MLXIP: variants seen among roughly 807,000 people sequenced by gnomAD.
The protein encoded by MLXIP is MLX-interacting protein.
In MLXIP, 30 loss-of-function variants were observed where a neutral mutation model predicts 87.2. The ratio of observed to expected loss-of-function variants is 0.34; its 90% confidence interval spans 0.26 to 0.47. The LOEUF (loss-of-function observed/expected upper bound fraction) is 0.47. Among genes scored for constraint, MLXIP ranks in the 20% least tolerant of loss-of-function variants. MLXIP has a pLI of 1.00. For synonymous variants in MLXIP, 530 were observed against 514.0 expected (o/e 1.03, Z -0.42); for missense variants, 1,002 against 1,240.1 (o/e 0.81, Z 2.88).
chr12:122,134,200 GT>G, intron 9 of MLXIP: 1 of 605,458 alleles, frequency 1.7e-6, no homozygotes, highest in Non-Finnish European at 2.5e-6. Flanking sequence ...TTGTTTTTTT[GT>G]TTGGTTTTTT....
At chr12:122,088,011 C>A (rs1336251546) in intron 1 of MLXIP, among the ~76,000 whole-genome samples, 3 of 152,212 alleles carry the variant, frequency 2.0e-5, no homozygotes, top group Admixed American at 6.5e-5. Context: ...GTATGTCACG[C>A]TGAGGACACC....
intron 7 of MLXIP, 60 bp downstream of exon 7, chr12:122,130,993 C>G (rs1164724268): frequency 3.6e-6 from 4 of 1,111,218 alleles, no homozygotes; most frequent in Non-Finnish European, 4.1e-6. Context: ...CAGCACAGAG[C>G]AGATCGCTGC....
chr12:122,125,920 A>C (rs754418029), intron 1 of MLXIP, among the ~76,000 whole-genome samples: 30 of 152,208 alleles, frequency 2.0e-4, no homozygotes, highest in Non-Finnish European at 3.8e-4. Context: ...TTCCAGGTTC[A>C]CAGAATGTTT....
At position 122,142,937 on chromosome 12, in the gene MLXIP, T is replaced by G. The variant is rs1047880808; in HGVS notation, c.*1125T>G. 6.5e-6 allele frequency: 1 copy of G among 153,450 alleles called. No homozygotes were observed. The highest frequency in any genetic ancestry group is 2.4e-5 in the African/African-American group (1 of 41,466). 9.5% of individuals were successfully genotyped at this position (153,450 alleles called of 1,614,324 possible). A position where few individuals can be genotyped will look rare whatever the true frequency, so the allele number is the denominator to read the frequency against. On this transcript the variant is annotated 3_prime_UTR_variant, in exon 17 of 17. Coordinates refer to ENST00000319080, the MANE Select transcript of MLXIP (RefSeq NM_014938.6). Reference sequence around the variant, plus strand: ...AGACAGCAAAGAATCTACCCAGATCTGGGCTGGGTGGAGGTGTGGCTGGGC... The same window carrying G: ...AGACAGCAAAGAATCTACCCAGATCGGGGCTGGGTGGAGGTGTGGCTGGGC...
At chr12:122,107,966 A>G (rs1166469477) in intron 1 of MLXIP, among the ~76,000 whole-genome samples, 1 of 152,066 alleles carries the variant, frequency 6.6e-6, no homozygotes, top group Non-Finnish European at 1.5e-5. Flanking sequence ...GGTGGTAATA[A>G]AAGTATCTTT....
intron 1 of MLXIP, among the ~76,000 whole-genome samples, chr12:122,108,067 A>G (rs1327443999): frequency 6.6e-6 from 1 of 152,114 alleles, no homozygotes; most frequent in Non-Finnish European, 1.5e-5. Flanking sequence ...ATGAATTTTT[A>G]TGACATTAAG....
chr12:122,095,298 G>GT (rs1491145134), intron 1 of MLXIP, among the ~76,000 whole-genome samples: 34 of 138,534 alleles, frequency 2.5e-4, no homozygotes, highest in African/African-American at 1.1e-3. Flanking sequence ...TTGTGTGTGT[G>GT]GGGGGGTGTG....
At chr12:122,134,112 C>T (rs749679765) in intron 9 of MLXIP, 125 bp downstream of exon 9, 171 of 1,129,840 alleles carry the variant, frequency 1.5e-4, no homozygotes, top group Non-Finnish European at 2.0e-4. Flanking sequence ...TGCGCACACA[C>T]ATACACTTAA....
intron 1 of MLXIP, among the ~76,000 whole-genome samples, chr12:122,084,286 T>TGCTGTTA (rs1196946623): frequency 3.6e-4 from 54 of 152,018 alleles, no homozygotes; most frequent in African/African-American, 1.2e-3. Flanking sequence ...GATTACCAAT[T>TGCTGTTA]ACATTACCCA....
At chr12:122,128,135 GC>G (rs1236178063) in intron 3 of MLXIP, 167 bp downstream of exon 3, 4 of 607,610 alleles carry the variant, frequency 6.6e-6, no homozygotes, top group Non-Finnish European at 1.2e-5. Context: ...GTGGCCTCTG[GC>G]AACCCCAGGC....
rs1178670820 is a variant in MLXIP at position 122,143,785 on chromosome 12, T to G, written c.*1973T>G. The G allele has an allele frequency of 1.3e-5, 2 of 152,188 alleles. No homozygotes were observed. Among genetic ancestry groups the G allele is most frequent in the Admixed American group, 1.3e-4 (2 of 15,276 alleles). 9.4% of individuals were successfully genotyped at this position (152,188 alleles called of 1,614,324 possible). ...GGGGAGTCATTTTTAAAAAAATCTG[T>G]GGGATATAAAATTGGCCTCCTGCTG... On this transcript the variant is annotated 3_prime_UTR_variant, in exon 17 of 17. Transcript: ENST00000319080.
chr12:122,140,952 A>G lies in MLXIP; in HGVS notation c.2509-2A>G. 1 of 1,613,974 alleles carries G rather than the reference A, an allele frequency of 6.2e-7. No individual in the cohort carries two copies. Among genetic ancestry groups the G allele is most frequent in the Admixed American group, 1.7e-5 (1 of 60,012 alleles). ...TGCCTTTTCTTTAACCACACACTGC[A>G]GTTCAGCATCATCATCAAGCCGCTG... On this transcript the variant is annotated splice_acceptor_variant, in intron 15 of 16. Coordinates refer to ENST00000319080, the MANE Select transcript of MLXIP (RefSeq NM_014938.6). LOFTEE classifies it high-confidence loss of function.
chr12:122,123,280 G>C (rs528201915), intron 1 of MLXIP, among the ~76,000 whole-genome samples: 1 of 152,186 alleles, frequency 6.6e-6, no homozygotes, highest in Non-Finnish European at 1.5e-5. Flanking sequence ...TTGCCTTGGG[G>C]GCGGGCTGGG....
chr12:122,099,014 G>C lies in MLXIP; in HGVS notation c.413+19748G>C, dbSNP rs561957378. 5.3e-5 allele frequency among the ~76,000 whole-genome samples: 8 copies of C among 152,350 alleles called. No individual in the cohort carries two copies. The South Asian group carries it at 1.5e-3, about 28-fold the overall frequency. ...GCACTTTGGGAGGTCAAGGCGGGAG[G>C]ATCACTTGAGCCCAGGAGTGTAAGA... is the stretch of plus-strand genomic sequence containing the variant. On this transcript the variant is annotated intron_variant, in intron 1 of 16. Transcript: ENST00000319080.
At chr12:122,091,878 C>T (rs1281152473) in intron 1 of MLXIP, among the ~76,000 whole-genome samples, 1 of 151,948 alleles carries the variant, frequency 6.6e-6, no homozygotes, top group Non-Finnish European at 1.5e-5. Flanking sequence ...TTATGAGATT[C>T]GACATATTTG....
intron 1 of MLXIP, among the ~76,000 whole-genome samples, chr12:122,109,999 G>A (rs757203204): frequency 1.3e-5 from 2 of 152,118 alleles, no homozygotes; most frequent in Non-Finnish European, 2.9e-5. Context: ...TGACCCCAAC[G>A]CATCCCTGCT....
Position 122,141,730 on chromosome 12 carries a change from C to G in MLXIP, c.2678C>G (p.Ser893Cys). 1 of 1,613,912 alleles carries G rather than the reference C, an allele frequency of 6.2e-7. No individual in the cohort carries two copies. The highest frequency in any genetic ancestry group is 8.5e-7 in the Non-Finnish European group (1 of 1,179,894). ...STLRQLSTSTSILTDPAQLPE... is the reference protein window; with the variant it reads ...STLRQLSTSTCILTDPAQLPE... ...CTGCGGCAGCTGAGCACCTCCACCT[C>G]CATCCTCACAGACCCGGCACAGCTG... The change falls in exon 17 of 17, where the codon TCC becomes TGC. Residue 893 changes from serine (S) to cysteine (C), a missense_variant. Physicochemically the swap from Ser to Cys is moderately radical, Grantham distance 112. Around this residue, in one of 3 missense-constraint regions of MLXIP, gnomAD observed 746 missense variants for 897.0 expected, o/e 0.83. Coordinates refer to ENST00000319080, the MANE Select transcript of MLXIP (RefSeq NM_014938.6).
At chr12:122,081,535 A>G (rs1952090871) in intron 1 of MLXIP, among the ~76,000 whole-genome samples, 1 of 152,156 alleles carries the variant, frequency 6.6e-6, no homozygotes, top group African/African-American at 2.4e-5. Flanking sequence ...TTGAGATCGG[A>G]GGCAACGCGG....
chr12:122,104,799 C>T (rs1015629920), intron 1 of MLXIP, among the ~76,000 whole-genome samples: 23 of 151,998 alleles, frequency 1.5e-4, no homozygotes, highest in African/African-American at 5.6e-4. Flanking sequence ...CCAGGATGGT[C>T]TTGATCTCCT....
Sources: gnomAD v4.1 joint callset for allele counts (sites outside exome capture counted in the v4.1 genomes callset) on GRCh38, gnomAD v4.1.1 for gene constraint, gnomAD v4.1.1 regional missense constraint, MANE v1.5 for transcripts, NCBI Gene and HGNC (gene_info 2026-07-23, HGNC 2026-07-21) for gene names.